The following GNPNAT1 variants were observed in gnomAD, a reference collection of about 807,000 sequenced individuals.
The protein encoded by GNPNAT1 is glucosamine 6-phosphate N-acetyltransferase.
GNPNAT1 carries 11 observed loss-of-function variants against 19.8 expected under a neutral mutation model. The observed-to-expected ratio is 0.56, with a 90% CI of 0.35 to 0.92. GNPNAT1 has a LOEUF of 0.92. Among genes scored for constraint, GNPNAT1 ranks in the 40% least tolerant of loss-of-function variants. GNPNAT1 has a pLI of 0.01. For synonymous variants in GNPNAT1, 71 were observed against 72.3 expected, an observed-to-expected ratio of 0.98 and a Z score of 0.09; for missense variants, 157 against 211.0, an observed-to-expected ratio of 0.74 and a Z score of 1.59.
chr14:52,790,102 A>AT (rs903045520), intron 1 of GNPNAT1, among the ~76,000 whole-genome samples: 11 of 151,936 alleles, frequency 7.2e-5, no homozygotes, highest in Non-Finnish European at 1.6e-4. Context: ...TCAATTGAAT[A>AT]TTTTTTAAAC....
Position 52,776,431 on chromosome 14 carries a change from G to C in GNPNAT1, c.*1880C>G, listed in dbSNP as rs1882722154. ...TTCTATTTCCTATGGGAGGATTTAA[G>C]AGATATCTTAGGAACACTATTTAAA... On this transcript the variant is annotated 3_prime_UTR_variant, in exon 6 of 6. Transcript: ENST00000216410. 1 of 152,208 alleles carries C rather than the reference G, an allele frequency of 6.6e-6. No individual in the cohort carries two copies. The highest frequency in any genetic ancestry group is 2.1e-4 in the South Asian group (1 of 4,836). The allele number at this position is 152,208 out of a possible 1,614,324, so 9.4% of individuals were successfully genotyped here.
intron 5 of GNPNAT1, among the ~76,000 whole-genome samples, chr14:52,779,734 A>AAAAAC (rs1882839949): frequency 3.3e-5 from 5 of 150,060 alleles, no homozygotes; most frequent in Non-Finnish European, 5.9e-5. Context: ...TAAAAAAAAA[A>AAAAAC]AAAAAAAAAA....
chr14:52,783,876 A>G (rs1247403207), intron 2 of GNPNAT1, among the ~76,000 whole-genome samples: 2 of 152,206 alleles, frequency 1.3e-5, no homozygotes, highest in Non-Finnish European at 2.9e-5. Context: ...AAATTAAAGT[A>G]TAAGTAACAC....
rs1258255907 is a variant in GNPNAT1, at chr14:52,777,855, T to G, written c.*456A>C. ...CTAATTTATCCACCCTGACTTAATA[T>G]GTGGGAAACAATACACCCCTAAGTG... is the stretch of plus-strand genomic sequence containing the variant. On this transcript the variant is annotated 3_prime_UTR_variant, in exon 6 of 6. Transcript: ENST00000216410. 8 of 152,306 alleles carry G rather than the reference T, an allele frequency of 5.3e-5. No homozygotes were observed. The highest frequency in any genetic ancestry group is 5.2e-4 in the Admixed American group (8 of 15,268). 9.4% of individuals were successfully genotyped at this position (152,306 alleles called of 1,614,324 possible).
intron 3 of GNPNAT1, 68 bp from the exon 4 acceptor site, chr14:52,781,979 T>C (rs537074474): frequency 5.8e-6 from 8 of 1,376,222 alleles, no homozygotes; most frequent in East Asian, 5.0e-5. Context: ...AGAAAAATAT[T>C]AGGATTAGCT....
At chr14:52,779,735 A>AAC (rs1882840124) in intron 5 of GNPNAT1, among the ~76,000 whole-genome samples, 1 of 149,434 alleles carries the variant, frequency 6.7e-6, no homozygotes, top group Admixed American at 6.7e-5. Context: ...AAAAAAAAAA[A>AAC]AAAAAAAAAA....
chr14:52,784,355 T>C lies in GNPNAT1; in HGVS notation c.154+142A>G, dbSNP rs2139967977. ...TAGCCATGACACACACTCATTGGTA[T>C]TGAGTGTCCATCACTTTAAAAACTA... is the stretch of plus-strand genomic sequence containing the variant. On this transcript the variant is annotated intron_variant, in intron 2 of 5. Coordinates refer to ENST00000216410, the MANE Select transcript of GNPNAT1 (RefSeq NM_198066.4). 7.8e-6 allele frequency: 4 copies of C among 513,090 alleles called. No individual in the cohort carries two copies. In the South Asian group the frequency reaches 1.8e-4, roughly 23 times the overall value. The allele number at this position is 513,090 out of a possible 1,614,324, so 31.8% of individuals were successfully genotyped here. A position where few individuals can be genotyped will look rare whatever the true frequency, so the allele number is the denominator to read the frequency against.
At chr14:52,778,760 G>A (rs1882804274) in intron 5 of GNPNAT1, among the ~76,000 whole-genome samples, 1 of 152,110 alleles carries the variant, frequency 6.6e-6, no homozygotes, top group Non-Finnish European at 1.5e-5. Flanking sequence ...ACTCATACCT[G>A]TAATCCTAGC....
rs1566688952 is a variant in GNPNAT1 at position 52,784,599 on chromosome 14, C to A, written c.52G>T (p.Asp18Tyr). 6.2e-7 allele frequency: 1 copy of A among 1,603,082 alleles called. No homozygotes were observed. The highest frequency in any genetic ancestry group is 8.5e-7 in the Non-Finnish European group (1 of 1,173,328). ...MFDPSLLKEV[D>Y]WSQNTATFSP... Reference sequence around the variant, plus strand: ...AATGTAGCTGTATTCTGACTCCAGTCCACTTCTTTGAGTAGACTTGGGTCA... The same window carrying A: ...AATGTAGCTGTATTCTGACTCCAGTACACTTCTTTGAGTAGACTTGGGTCA... Residue 18 changes from aspartate to tyrosine, a missense_variant, in exon 2 of 6, where the codon GAC becomes TAC. Asp to Tyr is a radical substitution (Grantham distance 160). Coordinates refer to ENST00000216410, the MANE Select transcript of GNPNAT1 (RefSeq NM_198066.4).
chr14:52,783,054 A>G (rs1882930662), intron 3 of GNPNAT1, among the ~76,000 whole-genome samples: 1 of 152,052 alleles, frequency 6.6e-6, no homozygotes, highest in South Asian at 2.1e-4. Context: ...CTTCAATACA[A>G]ATAAACCCCA....
chr14:52,787,631 T>C (rs1449302599), intron 1 of GNPNAT1, among the ~76,000 whole-genome samples: 1 of 152,136 alleles, frequency 6.6e-6, no homozygotes, highest in Non-Finnish European at 1.5e-5. Flanking sequence ...CTGTGTGATA[T>C]GTACTACGGT....
intron 4 of GNPNAT1, 107 bp downstream of exon 4, chr14:52,781,677 T>C: frequency 9.8e-7 from 1 of 1,015,274 alleles, no homozygotes; most frequent in Non-Finnish European, 1.4e-6. Context: ...GAAAAGGGAT[T>C]TCTAAGAGGC....
rs1882870028 is a variant in GNPNAT1 at position 52,780,570 on chromosome 14, G to A, written c.407+109C>T. 3 of 713,450 alleles carry A rather than the reference G, an allele frequency of 4.2e-6. No individual in the cohort carries two copies. In the South Asian group the frequency reaches 5.2e-5, roughly 12 times the overall value. The allele number at this position is 713,450 out of a possible 1,614,324, so 44.2% of individuals were successfully genotyped here. ...AATTCAGTCTAAACTATTAGAGTGA[G>A]AATAAGTTCAGAATTAATGAAGCCA... is the stretch of plus-strand genomic sequence containing the variant. On this transcript the variant is annotated intron_variant, in intron 5 of 5. Coordinates refer to ENST00000216410, the MANE Select transcript of GNPNAT1 (RefSeq NM_198066.4).
chr14:52,779,494 G>A (rs1052708393), intron 5 of GNPNAT1, among the ~76,000 whole-genome samples: 10 of 152,008 alleles, frequency 6.6e-5, no homozygotes, highest in Non-Finnish European at 1.0e-4. Context: ...CAGCACTTTA[G>A]GAGGCCAAGG....
chr14:52,784,181 A>G (rs1882956992), intron 2 of GNPNAT1, among the ~76,000 whole-genome samples: 1 of 152,202 alleles, frequency 6.6e-6, no homozygotes. Context: ...TTCCACCTTC[A>G]TTCCCCAACC....
At chr14:52,782,751 T>C (rs901817810) in intron 3 of GNPNAT1, among the ~76,000 whole-genome samples, 3 of 152,050 alleles carry the variant, frequency 2.0e-5, no homozygotes, top group Non-Finnish European at 4.4e-5. Context: ...GAGGGTCAAA[T>C]AGAATTCAAT....
In GNPNAT1 at chr14:52,789,120, G is replaced by GC. The variant is rs1452247697; in HGVS notation, c.-15+2307dup. 6.6e-5 allele frequency among the ~76,000 whole-genome samples: 10 copies of GC among 152,286 alleles called. No homozygotes were observed. In the East Asian group the frequency reaches 1.9e-3, roughly 29 times the overall value. On this transcript the variant is annotated intron_variant, in intron 1 of 5. Coordinates refer to ENST00000216410, the MANE Select transcript of GNPNAT1 (RefSeq NM_198066.4). ...GAACAGAGTGAGGATTCAAAATGAG[G>GC]CAACAGGGCCAGCTTCAGAAGCCCC...
Position 52,784,601 on chromosome 14 carries a change from ACTT to A in GNPNAT1, c.47_49del (p.Glu16del). Reference sequence around the variant, plus strand: ...TGTAGCTGTATTCTGACTCCAGTCCACTTCTTTGAGTAGACTTGGGTCAAACAT... The same window carrying A: ...TGTAGCTGTATTCTGACTCCAGTCCACTTTGAGTAGACTTGGGTCAAACAT... On this transcript the variant is annotated inframe_deletion, in exon 2 of 6. Coordinates refer to ENST00000216410, the MANE Select transcript of GNPNAT1 (RefSeq NM_198066.4). 6.2e-7 allele frequency: 1 copy of A among 1,602,134 alleles called. No individual in the cohort carries two copies.
chr14:52,780,881 CAGTGAAGG>C, intron 4 of GNPNAT1, 141 bp from the exon 5 acceptor site: 1 of 553,726 alleles, frequency 1.8e-6, no homozygotes, highest in South Asian at 2.8e-5. Flanking sequence ...AAATATTATA[CAGTGAAGG>C]CTGTTTCAGT....
Sources: gnomAD v4.1 joint callset for allele counts (sites outside exome capture counted in the v4.1 genomes callset) on GRCh38, gnomAD v4.1.1 for gene constraint, MANE v1.5 for transcripts, NCBI Gene and HGNC (gene_info 2026-07-23, HGNC 2026-07-21) for gene names.